Variants in RASAL2 observed in about 807,000 individuals in gnomAD.
RASAL2 encodes RAS protein activator like 2, also known as ras GTPase-activating protein nGAP.
In RASAL2, 58 loss-of-function variants were observed where a neutral mutation model predicts 128.9. The ratio of observed to expected loss-of-function variants is 0.45; its 90% confidence interval spans 0.36 to 0.56. The LOEUF is 0.56. RASAL2 is among the 20% of genes least tolerant of loss of function. The pLI is 0.00. For synonymous variants in RASAL2, 561 were observed against 580.8 expected (o/e 0.97, Z 0.49); for missense variants, 1,360 against 1,601.6 (o/e 0.85, Z 2.57).
At chr1:178,326,337 C>T (rs1018356215) in intron 3 of RASAL2, among the ~76,000 whole-genome samples, 1 of 152,104 alleles carries the variant, frequency 6.6e-6, no homozygotes, top group Non-Finnish European at 1.5e-5. Flanking sequence ...CTACCTCCCT[C>T]ATAATTATCC....
chr1:178,204,414 G>A (rs1335308873), intron 1 of RASAL2, among the ~76,000 whole-genome samples: 4 of 152,168 alleles, frequency 2.6e-5, no homozygotes, highest in Admixed American at 6.5e-5. Context: ...ACTGCACTAA[G>A]TAAGTGAAGC....
intron 1 of RASAL2, among the ~76,000 whole-genome samples, chr1:178,160,583 C>T (rs1483258169): frequency 2.6e-5 from 4 of 152,000 alleles, no homozygotes; most frequent in African/African-American, 9.7e-5. Flanking sequence ...TGCAGTGAGC[C>T]GAGATCGCAC....
intron 2 of RASAL2, among the ~76,000 whole-genome samples, chr1:178,287,125 T>C (rs1211229625): frequency 6.6e-6 from 1 of 151,698 alleles, no homozygotes; most frequent in Admixed American, 6.6e-5. Flanking sequence ...TCCTTGCCCT[T>C]CCCTTGCTTC....
chr1:178,289,143 GCT>G, intron 2 of RASAL2, among the ~76,000 whole-genome samples: 1 of 152,100 alleles, frequency 6.6e-6, no homozygotes, highest in Non-Finnish European at 1.5e-5. Flanking sequence ...TGCTTGTTAA[GCT>G]CACTAGTGAC....
intron 17 of RASAL2, among the ~76,000 whole-genome samples, chr1:178,469,494 A>G (rs184044100): frequency 1.8e-3 from 274 of 152,196 alleles, no homozygotes; most frequent in Non-Finnish European, 2.8e-3. Flanking sequence ...CCAGGGAGGG[A>G]ATCTGATTTA....
At position 178,465,802 on chromosome 1, in the gene RASAL2, T is replaced by TAAAAAAA. The variant is rs201841559; in HGVS notation, c.3388-116_3388-110dup. On this transcript the variant is annotated intron_variant, in intron 15 of 17. Transcript: ENST00000367649. The stretch of plus-strand genomic sequence containing the variant: ...CTACACTGCTTAGGGTTTCTTTTGT[T>TAAAAAAA]AAAAAAAAGAAAAAAGAAAAAGAAA... 2.5e-4 allele frequency: 246 copies of TAAAAAAA among 985,790 alleles called. No homozygotes were observed. In the African/African-American group the frequency reaches 3.8e-3, roughly 15 times the overall value. The allele number at this position is 985,790 out of a possible 1,614,324, so 61.1% of individuals were successfully genotyped here.
At chr1:178,146,513 T>C (rs756499778) in intron 1 of RASAL2, among the ~76,000 whole-genome samples, 69 of 152,264 alleles carry the variant, frequency 4.5e-4, no homozygotes, top group Admixed American at 8.5e-4. Flanking sequence ...TTTTTGCGTG[T>C]AATCATGCTG....
At chr1:178,353,611 A>G (rs1401671302) in intron 3 of RASAL2, among the ~76,000 whole-genome samples, 1 of 152,160 alleles carries the variant, frequency 6.6e-6, no homozygotes, top group East Asian at 1.9e-4. Flanking sequence ...ACCAGTTACC[A>G]AATTCCAAAG....
intron 1 of RASAL2, among the ~76,000 whole-genome samples, chr1:178,159,014 A>G (rs551042904): frequency 6.6e-6 from 1 of 152,358 alleles, no homozygotes; most frequent in Non-Finnish European, 1.5e-5. Flanking sequence ...TGAGCTCAAA[A>G]TACAGTCTTA....
intron 1 of RASAL2, among the ~76,000 whole-genome samples, chr1:178,230,921 AGT>A: frequency 6.6e-6 from 1 of 152,236 alleles, no homozygotes; most frequent in South Asian, 2.1e-4. Flanking sequence ...GAGTGTGCGC[AGT>A]GTGTTTACTG....
At chr1:178,178,751 G>T (rs1317226450) in intron 1 of RASAL2, among the ~76,000 whole-genome samples, 2 of 152,010 alleles carry the variant, frequency 1.3e-5, no homozygotes, top group African/African-American at 2.4e-5. Context: ...AAAGAAACCT[G>T]GAAAATAGGA....
intron 1 of RASAL2, among the ~76,000 whole-genome samples, chr1:178,216,525 A>G (rs1194747854): frequency 2.0e-5 from 3 of 152,242 alleles, no homozygotes; most frequent in African/African-American, 7.2e-5. Context: ...AGTTTAACCA[A>G]CCAATTATCG....
chr1:178,428,593 T>A (rs1187398990), intron 5 of RASAL2, among the ~76,000 whole-genome samples: 1 of 151,672 alleles, frequency 6.6e-6, no homozygotes. Context: ...ATATTGAATA[T>A]ATATATATTT....
intron 3 of RASAL2, among the ~76,000 whole-genome samples, chr1:178,364,480 G>C (rs1671298514): frequency 6.6e-6 from 1 of 152,134 alleles, no homozygotes; most frequent in Admixed American, 6.5e-5. Flanking sequence ...GTTGATATGA[G>C]GAGAAAATGA....
chr1:178,211,327 C>G (rs998149642), intron 1 of RASAL2, among the ~76,000 whole-genome samples: 18 of 152,180 alleles, frequency 1.2e-4, no homozygotes, highest in African/African-American at 3.9e-4. Flanking sequence ...GCTCACCTCC[C>G]TACCTTGATC....
At chr1:178,452,189 A>T (rs191297710) in intron 10 of RASAL2, among the ~76,000 whole-genome samples, 1 of 152,182 alleles carries the variant, frequency 6.6e-6, no homozygotes, top group African/African-American at 2.4e-5. Flanking sequence ...CTAAATTTAA[A>T]CTAATCCAGA....
At chr1:178,100,424 T>G (rs1002036508) in intron 1 of RASAL2, among the ~76,000 whole-genome samples, 1 of 151,528 alleles carries the variant, frequency 6.6e-6, no homozygotes, top group African/African-American at 2.4e-5. Flanking sequence ...CTCGGGATGC[T>G]GAGGCACGAG....
chr1:178,171,454 T>A (rs1204957628), intron 1 of RASAL2, among the ~76,000 whole-genome samples: 1 of 152,088 alleles, frequency 6.6e-6, no homozygotes, highest in South Asian at 2.1e-4. Context: ...ATTGGGAAAT[T>A]CATATTTTTG....
chr1:178,150,440 C>A (rs577584916), intron 1 of RASAL2, among the ~76,000 whole-genome samples: 2 of 152,188 alleles, frequency 1.3e-5, no homozygotes, highest in South Asian at 4.2e-4. Context: ...CCCGCCTTGG[C>A]CTCCCAAAGT....
Sources: gnomAD v4.1 joint callset for allele counts (sites outside exome capture counted in the v4.1 genomes callset) on GRCh38, gnomAD v4.1.1 for gene constraint, MANE v1.5 for transcripts, NCBI Gene and HGNC (gene_info 2026-07-23, HGNC 2026-07-21) for gene names.